The following HDAC10 variants were observed in gnomAD, a reference collection of about 807,000 sequenced individuals.
HDAC10 encodes histone deacetylase 10.
HDAC10 carries 90 observed loss-of-function variants against 82.3 expected under a neutral mutation model. The observed-to-expected ratio is 1.09, with a 90% CI of 0.92 to 1.30. HDAC10 has a LOEUF of 1.30. Among genes scored for constraint, HDAC10 ranks in the 50% most tolerant of loss-of-function variants. HDAC10 has a pLI of 0.00. For missense variants in HDAC10, 934 were observed against 876.3 expected, an observed-to-expected ratio of 1.07 and a Z score of -0.83; for synonymous variants, 456 against 391.7, an observed-to-expected ratio of 1.16 and a Z score of -1.94.
chr22:50,246,555 G>C, intron 16 of HDAC10, 124 bp downstream of exon 16: 1 of 1,134,480 alleles, frequency 8.8e-7, no homozygotes. Flanking sequence ...CACCCCAGCT[G>C]AGGAAGGCTC....
chr22:50,247,433 T>C, intron 14 of HDAC10: 1 of 427,564 alleles, frequency 2.3e-6, no homozygotes, highest in Non-Finnish European at 4.1e-6. Flanking sequence ...GCACCCTGCC[T>C]AAATGTATAC....
In HDAC10 at chr22:50,248,008, CG is replaced by C; in HGVS notation, c.1218del (p.Ala407HisfsTer10). 1 of 1,612,768 alleles carries C rather than the reference CG, an allele frequency of 6.2e-7. No homozygotes were observed. The highest frequency in any genetic ancestry group is 1.7e-4 in the Middle Eastern group (1 of 6,058). On this transcript the variant is annotated frameshift_variant, in exon 13 of 20. Coordinates refer to ENST00000216271, the MANE Select transcript of HDAC10 (RefSeq NM_032019.6). LOFTEE classifies it high-confidence loss of function. The surrounding 1 kb of genome is among the most constrained non-coding windows in gnomAD (Gnocchi z 5.4). Reference protein sequence around the residue: ...SSLLDQPCLCPAPSVRTAVAL... With the variant: ...SSLLDQPCLCXAPSVRTAVAL... ...GCAACAGCGGTGCGGACAGAGGGTG[CG>C]GGGCAGAGGCACGGCTGGTCCAGGA... is the stretch of plus-strand genomic sequence containing the variant.
Position 50,245,427 on chromosome 22 carries a change from C to CT in HDAC10, c.*79dup. 2.8e-6 allele frequency: 2 copies of CT among 720,806 alleles called. No individual in the cohort carries two copies. The highest frequency in any genetic ancestry group is 5.1e-6 in the Non-Finnish European group (2 of 389,650). 44.7% of individuals were successfully genotyped at this position (720,806 alleles called of 1,614,324 possible). On this transcript the variant is annotated 3_prime_UTR_variant, in exon 20 of 20. Transcript: ENST00000216271. Reference sequence around the variant, plus strand: ...GCCCCAGAGTCGAGGGAGCCGTGGGCTTGGGGTCCGGATCGCGGCCGCGGG... The same window carrying CT: ...GCCCCAGAGTCGAGGGAGCCGTGGGCTTTGGGGTCCGGATCGCGGCCGCGGG...
At position 50,249,055 on chromosome 22, in the gene HDAC10, G is replaced by A. The variant is rs753144476; in HGVS notation, c.756+48C>T. 28 of 1,513,120 alleles carry A rather than the reference G, an allele frequency of 1.9e-5. 1 individual carries two copies. In the South Asian group the frequency reaches 3.1e-4, roughly 17 times the overall value. The allele number at this position is 1,513,120 out of a possible 1,614,324, so 93.7% of individuals were successfully genotyped here. A position where few individuals can be genotyped will look rare whatever the true frequency, so the allele number is the denominator to read the frequency against. ...CTTCACTGGCGCACTCCAGGCACAA[G>A]GTCCCCCTCCCACCCGGCTGCCCTG... is the stretch of plus-strand genomic sequence containing the variant. On this transcript the variant is annotated intron_variant, in intron 8 of 19. Transcript: ENST00000216271. This position sits in a 1 kb window ranked among gnomAD's most constrained non-coding sequence, Gnocchi z 4.4.
chr22:50,248,181 A>C lies in HDAC10; in HGVS notation c.1082-36T>G, dbSNP rs960266969. On this transcript the variant is annotated intron_variant, in intron 12 of 19. Coordinates refer to ENST00000216271, the MANE Select transcript of HDAC10 (RefSeq NM_032019.6). The surrounding 1 kb of genome is among the most constrained non-coding windows in gnomAD (Gnocchi z 5.4). ...TTCGGAGTCATAGCCACTGCACAGG[A>C]GCCCGAGGTGGGATCCTGCAGCCTA... 1 of 1,599,228 alleles carries C rather than the reference A, an allele frequency of 6.3e-7. No homozygotes were observed. Among genetic ancestry groups the C allele is most frequent in the East Asian group, 2.2e-5 (1 of 44,770 alleles).
intron 2 of HDAC10, 118 bp from the exon 3 acceptor site, chr22:50,250,641 A>G: frequency 7.6e-7 from 1 of 1,321,360 alleles, no homozygotes; most frequent in Non-Finnish European, 1.1e-6. Context: ...CAAGCCTGTG[A>G]GCCCACCCGA....
Position 50,248,081 on chromosome 22 carries a change from C to A in HDAC10, c.1146G>T (p.Leu382=). The A allele has an allele frequency of 1.2e-6, 2 of 1,600,874 alleles. No homozygotes were observed. Among genetic ancestry groups the A allele is most frequent in the Non-Finnish European group, 8.5e-7 (1 of 1,172,326 alleles). ...CTGCCTTACACACTGGACCCCCAGG[C>A]AGCAGAGGTGGAGGCCTCCCCTCTG... The part of the protein sequence containing the change: ...HSPEGRPPPL[L]PGGPVCKAAA... Residue 382 remains leucine (L), a synonymous_variant, in exon 13 of 20, where the codon CTG becomes CTT. Coordinates refer to ENST00000216271, the MANE Select transcript of HDAC10 (RefSeq NM_032019.6). This position sits in a 1 kb window ranked among gnomAD's most constrained non-coding sequence, Gnocchi z 5.4.
intron 3 of HDAC10, 27 bp from the exon 4 acceptor site, chr22:50,250,187 C>G (rs764703293): frequency 2.5e-6 from 4 of 1,588,154 alleles, no homozygotes; most frequent in African/African-American, 2.7e-5. Context: ...GCAGATGAGC[C>G]CCCTGCCTTC....
rs369223287 is a variant in HDAC10 at position 50,248,420 on chromosome 22, G to A, written c.959C>T (p.Thr320Met). 58 of 1,608,586 alleles carry A rather than the reference G, an allele frequency of 3.6e-5. No individual in the cohort carries two copies. Among genetic ancestry groups the A allele is most frequent in the East Asian group, 1.3e-4 (6 of 44,904 alleles). The change falls in exon 11 of 20, where the codon ACG becomes ATG. Residue 320 changes from threonine to methionine, a missense_variant. Transcript: ENST00000216271. The surrounding 1 kb of genome is among the most constrained non-coding windows in gnomAD (Gnocchi z 5.4). ...LAESVCMTVQ[T>M]LLGDPAPPLS... ...GGGTGGGGCCGGGTCACCCAGCAGC[G>A]TCTGTACTGTCATGCACACTGACTC...
At chr22:50,250,011 C>T (rs755507163) in intron 4 of HDAC10, 47 bp from the exon 5 acceptor site, 10 of 1,607,632 alleles carry the variant, frequency 6.2e-6, no homozygotes, top group South Asian at 2.2e-5. Flanking sequence ...TCGCCCTGGC[C>T]CCTCACAGGG....
rs1210536214 is a variant in HDAC10 at position 50,250,429 on chromosome 22, G to C, written c.289C>G (p.Pro97Ala). The C allele has an allele frequency of 6.8e-6, 11 of 1,612,768 alleles. No homozygotes were observed. Among genetic ancestry groups the C allele is most frequent in the Non-Finnish European group, 7.6e-6 (9 of 1,179,774 alleles). ...TGAGTGTGTCCGGGGACACGCACCGGGTGGAAGTAGATGGCGTCGAACTGT... is the reference window on the plus strand; with the variant it reads ...TGAGTGTGTCCGGGGACACGCACCGCGTGGAAGTAGATGGCGTCGAACTGT... ...SGQFDAIYFH[P>A]STFHCARLAA... Residue 97 changes from proline to alanine, a missense_variant and splice_region_variant, in exon 3 of 20, where the codon CCG becomes GCG. Pro to Ala is a conservative substitution (Grantham distance 27). Transcript: ENST00000216271.
At chr22:50,246,617 C>T in intron 16 of HDAC10, 62 bp downstream of exon 16, 1 of 1,501,940 alleles carries the variant, frequency 6.7e-7, no homozygotes, top group South Asian at 1.1e-5. Context: ...GGCCCAGGCA[C>T]ACGTCCATCA....
At chr22:50,245,883 G>A (rs5771271) in intron 18 of HDAC10, 27 bp downstream of exon 18, 175,572 of 1,553,854 alleles carry the variant, frequency 0.11, 11,424 homozygotes, top group East Asian at 0.3. Flanking sequence ...GTCCCACCCC[G>A]CAGCACCTCC....
Position 50,245,817 on chromosome 22 carries a change from G to A in HDAC10, c.1844C>T (p.Pro615Leu), listed in dbSNP as rs929644724. Residue 615 changes from proline to leucine, a missense_variant, in exon 19 of 20, where the codon CCC becomes CTC. Pro to Leu is a moderately conservative substitution (Grantham distance 98). Transcript: ENST00000216271. Reference sequence around the variant, plus strand: ...CCGGGCCAGGATCCCTGCTAGCTGGGGTGTGGAGTTCTGGACCAGGGGCGA... The same window carrying A: ...CCGGGCCAGGATCCCTGCTAGCTGGAGTGTGGAGTTCTGGACCAGGGGCGA... The part of the protein sequence containing the change: ...VLALLEENST[P>L]QLAGILARVL... 1.1e-5 allele frequency: 17 copies of A among 1,574,622 alleles called. No homozygotes were observed. The highest frequency in any genetic ancestry group is 1.4e-5 in the Non-Finnish European group (16 of 1,160,218).
chr22:50,249,259 A>T lies in HDAC10; in HGVS notation c.690+69T>A. On this transcript the variant is annotated intron_variant, in intron 7 of 19. Transcript: ENST00000216271. This position sits in a 1 kb window ranked among gnomAD's most constrained non-coding sequence, Gnocchi z 4.4. Reference sequence around the variant, plus strand: ...GGTGGGGACCTGGGGCTTGAGGGTGAACTGTGGGGGAGGGGAGGGGCCCAG... The same window carrying T: ...GGTGGGGACCTGGGGCTTGAGGGTGTACTGTGGGGGAGGGGAGGGGCCCAG... 1.6e-6 allele frequency: 2 copies of T among 1,286,528 alleles called. No homozygotes were observed. The highest frequency in any genetic ancestry group is 1.1e-6 in the Non-Finnish European group (1 of 945,244). 79.7% of individuals were successfully genotyped at this position (1,286,528 alleles called of 1,614,324 possible).
Position 50,248,635 on chromosome 22 carries a change from C to G in HDAC10, c.906+27G>C. On this transcript the variant is annotated intron_variant, in intron 10 of 19. Transcript: ENST00000216271. The surrounding 1 kb of genome is among the most constrained non-coding windows in gnomAD (Gnocchi z 5.4). ...GACCCCCAGGCCTCTGGCCCAGAGA[C>G]CCTCCCTGTGTGCCCTCCCCAGTCA... is the stretch of plus-strand genomic sequence containing the variant. 1 of 1,482,506 alleles carries G rather than the reference C, an allele frequency of 6.7e-7. No individual in the cohort carries two copies. Among genetic ancestry groups the G allele is most frequent in the East Asian group, 2.5e-5 (1 of 40,538 alleles). The allele number at this position is 1,482,506 out of a possible 1,614,324, so 91.8% of individuals were successfully genotyped here. A position where few individuals can be genotyped will look rare whatever the true frequency, so the allele number is the denominator to read the frequency against.
In HDAC10 at chr22:50,245,283, G is replaced by A; in HGVS notation, c.*224C>T. 3.3e-6 allele frequency: 2 copies of A among 607,624 alleles called. No individual in the cohort carries two copies. Among genetic ancestry groups the A allele is most frequent in the East Asian group, 5.6e-5 (2 of 35,934 alleles). 37.6% of individuals were successfully genotyped at this position (607,624 alleles called of 1,614,324 possible). On this transcript the variant is annotated 3_prime_UTR_variant, in exon 20 of 20. Transcript: ENST00000216271. ...ACCGAGCGTGGGTTGCATGGGCCTC[G>A]ATGGGACGGGCCGGGGCGCGATGGG... is the stretch of plus-strand genomic sequence containing the variant.
Position 50,249,196 on chromosome 22 carries a change from G to C in HDAC10, c.691-28C>G. 7.7e-7 allele frequency: 1 copy of C among 1,301,542 alleles called. No individual in the cohort carries two copies. Among genetic ancestry groups the C allele is most frequent in the Non-Finnish European group, 1.1e-6 (1 of 944,824 alleles). The allele number at this position is 1,301,542 out of a possible 1,614,324, so 80.6% of individuals were successfully genotyped here. A position where few individuals can be genotyped will look rare whatever the true frequency, so the allele number is the denominator to read the frequency against. On this transcript the variant is annotated intron_variant, in intron 7 of 19. Coordinates refer to ENST00000216271, the MANE Select transcript of HDAC10 (RefSeq NM_032019.6). The surrounding 1 kb of genome is among the most constrained non-coding windows in gnomAD (Gnocchi z 4.4). ...GGCAGGACATCCCAGGCTACATCCT[G>C]AACTGTGGGGCAGGGGAGGGGCCCG...
Position 50,249,194 on chromosome 22 carries a change from C to T in HDAC10, c.691-26G>A, listed in dbSNP as rs925763448. On this transcript the variant is annotated intron_variant, in intron 7 of 19. Transcript: ENST00000216271. The surrounding 1 kb of genome is among the most constrained non-coding windows in gnomAD (Gnocchi z 4.4). The stretch of plus-strand genomic sequence containing the variant: ...CTGGCAGGACATCCCAGGCTACATC[C>T]TGAACTGTGGGGCAGGGGAGGGGCC... The T allele has an allele frequency of 6.7e-7, 1 of 1,486,674 alleles. No individual in the cohort carries two copies. Among genetic ancestry groups the T allele is most frequent in the Non-Finnish European group, 9.1e-7 (1 of 1,098,116 alleles). 92.1% of individuals were successfully genotyped at this position (1,486,674 alleles called of 1,614,324 possible).
Sources: gnomAD v4.1 joint callset for allele counts on GRCh38, gnomAD v4.1.1 for gene constraint, Gnocchi (gnomAD v3.1) non-coding constraint, MANE v1.5 for transcripts, NCBI Gene and HGNC (gene_info 2026-07-23, HGNC 2026-07-21) for gene names.